Variants in ATP8A2 observed in about 807,000 individuals in gnomAD.
ATP8A2 encodes phospholipid-transporting ATPase IB.
Under a neutral mutation model 165.6 loss-of-function variants are expected in ATP8A2, and 100 were observed. The observed-to-expected ratio is 0.60, with a 90% confidence interval of 0.51 to 0.71. The LOEUF is 0.71. ATP8A2 is among the 30% of genes least tolerant of loss of function. The pLI is 0.00. For synonymous variants in ATP8A2, 543 were observed against 548.8 expected, an observed-to-expected ratio of 0.99 and a Z score of 0.15; for missense variants, 1,227 against 1,479.5, an observed-to-expected ratio of 0.83 and a Z score of 2.80.
rs544911818 is a variant in ATP8A2, at chr13:25,730,303, C to T, written c.2384+30958C>T. 2.6e-3 allele frequency among the ~76,000 whole-genome samples: 400 copies of T among 152,152 alleles called. 4 individuals carry two copies. The highest frequency in any genetic ancestry group is 9.3e-3 in the African/African-American group (386 of 41,498). On this transcript the variant is annotated intron_variant, in intron 25 of 36. Coordinates refer to ENST00000381655, the MANE Select transcript of ATP8A2 (RefSeq NM_016529.6). Reference sequence around the variant, plus strand: ...TGAGACCCTGTCTCAACAACAACAACAACAAAATTATTAGAAAGCAAAAGT... The same window carrying T: ...TGAGACCCTGTCTCAACAACAACAATAACAAAATTATTAGAAAGCAAAAGT...
intron 25 of ATP8A2, among the ~76,000 whole-genome samples, chr13:25,731,326 A>G (rs578184214): frequency 4.9e-5 from 6 of 122,186 alleles, no homozygotes; most frequent in South Asian, 4.9e-4. Context: ...AGGAGAGAGA[A>G]AGAGAGAAAG....
At chr13:25,544,763 G>A (rs7333424) in intron 10 of ATP8A2, among the ~76,000 whole-genome samples, 10,380 of 152,140 alleles carry the variant, frequency 0.068, 463 homozygotes, top group African/African-American at 0.12. Context: ...TTGAAGATGC[G>A]ATAATGATGA....
chr13:25,673,934 G>A (rs1002340491), intron 24 of ATP8A2, among the ~76,000 whole-genome samples: 6 of 152,138 alleles, frequency 3.9e-5, no homozygotes, highest in Admixed American at 2.0e-4. Flanking sequence ...TCCATATGCC[G>A]CTTTGTCATC....
chr13:25,938,269 A>G (rs144713804), intron 33 of ATP8A2, among the ~76,000 whole-genome samples: 171 of 152,298 alleles, frequency 1.1e-3, no homozygotes, highest in Middle Eastern at 6.8e-3. Flanking sequence ...AGATGGACTG[A>G]AAGAGATGAG....
chr13:25,657,825 T>C (rs891774856), intron 24 of ATP8A2, among the ~76,000 whole-genome samples: 2 of 152,234 alleles, frequency 1.3e-5, no homozygotes, highest in Admixed American at 1.3e-4. Context: ...TAGTACATAT[T>C]TTCTCTTTAA....
At chr13:25,633,850 C>T (rs917440749) in intron 24 of ATP8A2, among the ~76,000 whole-genome samples, 7 of 151,960 alleles carry the variant, frequency 4.6e-5, no homozygotes, top group Non-Finnish European at 8.8e-5. Flanking sequence ...GTGGAATGTG[C>T]CTGTAGTTTC....
chr13:25,751,680 C>A (rs1258190788), intron 25 of ATP8A2, among the ~76,000 whole-genome samples: 1 of 152,128 alleles, frequency 6.6e-6, no homozygotes, highest in African/African-American at 2.4e-5. Flanking sequence ...AAGCAGTCCT[C>A]CCACCTAAGC....
chr13:25,572,477 G>C (rs2039496333), intron 18 of ATP8A2, among the ~76,000 whole-genome samples: 1 of 152,156 alleles, frequency 6.6e-6, no homozygotes, highest in African/African-American at 2.4e-5. Flanking sequence ...CCTGCAACTG[G>C]AGTCAAGGGG....
intron 25 of ATP8A2, among the ~76,000 whole-genome samples, chr13:25,713,826 G>T (rs948804447): frequency 6.6e-6 from 1 of 151,846 alleles, no homozygotes; most frequent in Non-Finnish European, 1.5e-5. Flanking sequence ...AGCAGCTACC[G>T]TGGTGGACAA....
intron 24 of ATP8A2, among the ~76,000 whole-genome samples, chr13:25,599,442 G>A (rs2040323906): frequency 6.6e-6 from 1 of 152,202 alleles, no homozygotes; most frequent in African/African-American, 2.4e-5. Flanking sequence ...GTTATCCAGT[G>A]TCTGAAAACA....
At chr13:25,654,306 G>C (rs2137648145) in intron 24 of ATP8A2, among the ~76,000 whole-genome samples, 1 of 152,206 alleles carries the variant, frequency 6.6e-6, no homozygotes, top group South Asian at 2.1e-4. Flanking sequence ...CCTGGGCTCA[G>C]GTGATCCTTC....
At chr13:25,373,253 T>A (rs1451897548) in intron 1 of ATP8A2, among the ~76,000 whole-genome samples, 1 of 152,228 alleles carries the variant, frequency 6.6e-6, no homozygotes, top group Non-Finnish European at 1.5e-5. Flanking sequence ...GTCTTCGTGC[T>A]TTTTTATTTG....
At chr13:25,857,311 G>A (rs529370469) in intron 30 of ATP8A2, among the ~76,000 whole-genome samples, 113 of 152,236 alleles carry the variant, frequency 7.4e-4, no homozygotes, top group Middle Eastern at 3.4e-3. Context: ...TCCTCAGAAA[G>A]ATTGTTCCAG....
intron 29 of ATP8A2, among the ~76,000 whole-genome samples, chr13:25,837,692 C>T (rs1002273546): frequency 1.3e-5 from 2 of 152,174 alleles, no homozygotes; most frequent in Non-Finnish European, 2.9e-5. Context: ...GGCAGCTTAC[C>T]TAGCTGTTGC....
chr13:25,820,771 G>A (rs896899562), intron 27 of ATP8A2, among the ~76,000 whole-genome samples: 3 of 152,112 alleles, frequency 2.0e-5, no homozygotes, highest in Admixed American at 6.6e-5. Flanking sequence ...AGCTAAGTAC[G>A]TTTGTATAAA....
At chr13:25,930,592 T>C (rs1433313465) in intron 33 of ATP8A2, among the ~76,000 whole-genome samples, 1 of 152,242 alleles carries the variant, frequency 6.6e-6, no homozygotes, top group Non-Finnish European at 1.5e-5. Context: ...AGAATGTTAA[T>C]TGTGTTATTT....
intron 2 of ATP8A2, among the ~76,000 whole-genome samples, chr13:25,523,201 G>A (rs1456283018): frequency 6.6e-6 from 1 of 151,196 alleles, no homozygotes; most frequent in Non-Finnish European, 1.5e-5. Flanking sequence ...TATTATCAGG[G>A]TAATGCTGGC....
intron 24 of ATP8A2, among the ~76,000 whole-genome samples, chr13:25,596,881 C>T (rs964523651): frequency 6.6e-6 from 1 of 152,228 alleles, no homozygotes; most frequent in African/African-American, 2.4e-5. Flanking sequence ...GTATTACCTG[C>T]GAGTTTTCAT....
At chr13:25,596,314 T>G (rs549952933) in intron 24 of ATP8A2, among the ~76,000 whole-genome samples, 106 of 152,330 alleles carry the variant, frequency 7.0e-4, no homozygotes, top group African/African-American at 2.4e-3. Flanking sequence ...AGATACAGTT[T>G]ACATACCTAC....
Sources: allele counts gnomAD v4.1 joint callset (sites outside exome capture counted in the v4.1 genomes callset), GRCh38; gene constraint gnomAD v4.1.1; transcripts MANE v1.5; gene names NCBI Gene and HGNC (gene_info 2026-07-23, HGNC 2026-07-21).